The following STK3 variants were observed in gnomAD, a reference collection of about 807,000 sequenced individuals.
The protein encoded by STK3 is serine/threonine-protein kinase 3.
STK3 carries 41 observed loss-of-function variants against 58.0 expected under a neutral mutation model. The ratio of observed to expected loss-of-function variants is 0.71; its 90% CI spans 0.55 to 0.92. The LOEUF (loss-of-function observed/expected upper bound fraction) is 0.92, where lower values mean the gene tolerates loss of function less well. Ranked by LOEUF, STK3 falls within the 40% of genes least tolerant of loss-of-function variation. The pLI, the probability that STK3 is intolerant of heterozygous loss-of-function variation, is 0.00. For missense variants in STK3, 479 were observed against 602.7 expected, an observed-to-expected ratio of 0.79 and a Z score of 2.15; for synonymous variants, 170 against 191.0, an observed-to-expected ratio of 0.89 and a Z score of 0.91.
chr8:98,747,942 CAAAG>C (rs1461963949), intron 4 of STK3, among the ~76,000 whole-genome samples: 1 of 152,122 alleles, frequency 6.6e-6, no homozygotes, highest in African/African-American at 2.4e-5. Flanking sequence ...TGATAACTGA[CAAAG>C]AGTTTTCTGA....
chr8:98,849,572 A>T (rs1248179821), intron 3 of STK3, among the ~76,000 whole-genome samples: 1 of 152,190 alleles, frequency 6.6e-6, no homozygotes, highest in African/African-American at 2.4e-5. Flanking sequence ...CTGACTTCAG[A>T]TATAGATGGA....
chr8:98,526,812 T>TCATGCATG lies in STK3; in HGVS notation c.1239_1246dup (p.Glu416AlafsTer28). The TCATGCATG allele has an allele frequency of 6.3e-7, 1 of 1,599,298 alleles. No individual in the cohort carries two copies. The highest frequency in any genetic ancestry group is 1.7e-5 in the Admixed American group (1 of 59,158). ...AACGTTTTTGGACATAGGGAAGGGT[T>TCATGCATG]CATGCATGTTCTGATTACAGTTTTC... On this transcript the variant is annotated frameshift_variant, in exon 10 of 11. Coordinates refer to ENST00000419617, the MANE Select transcript of STK3 (RefSeq NM_006281.4). LOFTEE classifies it high-confidence loss of function.
At chr8:98,604,038 G>A (rs1816577431) in intron 6 of STK3, among the ~76,000 whole-genome samples, 1 of 152,174 alleles carries the variant, frequency 6.6e-6, no homozygotes, top group African/African-American at 2.4e-5. Context: ...GAGAGTCAGA[G>A]GGAGATGTGA....
At chr8:98,866,702 C>T (rs1837159962) in intron 3 of STK3, among the ~76,000 whole-genome samples, 1 of 152,216 alleles carries the variant, frequency 6.6e-6, no homozygotes, top group Admixed American at 6.5e-5. Flanking sequence ...GTGATCTCAG[C>T]ACCAGTGCCT....
intron 1 of STK3, among the ~76,000 whole-genome samples, chr8:98,903,241 A>G (rs186682498): frequency 3.3e-5 from 5 of 152,364 alleles, no homozygotes; most frequent in Admixed American, 3.3e-4. Flanking sequence ...TATATCATAT[A>G]TGCCTGAATA....
chr8:98,534,837 TA>T (rs992425645), intron 9 of STK3, among the ~76,000 whole-genome samples: 1 of 152,204 alleles, frequency 6.6e-6, no homozygotes, highest in Admixed American at 6.5e-5. Context: ...TTTGTAAGTT[TA>T]AAAAAATTAC....
At chr8:98,812,893 G>C (rs1244564349) in intron 1 of STK3, among the ~76,000 whole-genome samples, 1 of 152,124 alleles carries the variant, frequency 6.6e-6, no homozygotes, top group African/African-American at 2.4e-5. Flanking sequence ...TTGTAGGGTG[G>C]GGGGAGTGAG....
chr8:98,654,675 T>C (rs1821319346), intron 6 of STK3, among the ~76,000 whole-genome samples: 1 of 152,078 alleles, frequency 6.6e-6, no homozygotes, highest in African/African-American at 2.4e-5. Context: ...TCACAAGCAT[T>C]CTTATACACC....
chr8:98,362,440 T>C, the STK3 span, among the ~76,000 whole-genome samples: 1 of 152,176 alleles, frequency 6.6e-6, no homozygotes, highest in Non-Finnish European at 1.5e-5. Context: ...GCTCTGCTGG[T>C]CCTGCTTCTA....
chr8:98,846,829 G>A (rs752998470), intron 3 of STK3, among the ~76,000 whole-genome samples: 24 of 150,892 alleles, frequency 1.6e-4, no homozygotes, highest in East Asian at 5.8e-4. Flanking sequence ...GTTGATGTCC[G>A]TTTCATTCCT....
intron 9 of STK3, among the ~76,000 whole-genome samples, chr8:98,532,436 T>C (rs1826229108): frequency 6.6e-6 from 1 of 152,072 alleles, no homozygotes; most frequent in South Asian, 2.1e-4. Context: ...ACAATTACAA[T>C]AGTAGCACCA....
At chr8:98,621,380 T>C (rs997056975) in intron 6 of STK3, among the ~76,000 whole-genome samples, 16 of 152,248 alleles carry the variant, frequency 1.1e-4, no homozygotes, top group African/African-American at 3.9e-4. Flanking sequence ...CTTTCCAATC[T>C]GTATGCCTTT....
intron 10 of STK3, among the ~76,000 whole-genome samples, chr8:98,496,956 G>GT (rs1334720566): frequency 4.6e-5 from 7 of 151,560 alleles, no homozygotes; most frequent in Admixed American, 1.3e-4. Flanking sequence ...AAATTTTATG[G>GT]TTTTTTTTAA....
intron 10 of STK3, among the ~76,000 whole-genome samples, chr8:98,469,040 C>T (rs747804672): frequency 9.9e-5 from 15 of 151,490 alleles, no homozygotes; most frequent in Non-Finnish European, 1.5e-4. Context: ...ACCTGGGAGG[C>T]GGGGGTTGCA....
At chr8:98,436,474 A>G (rs1266268416) in intron 2 of STK3, among the ~76,000 whole-genome samples, 5 of 152,144 alleles carry the variant, frequency 3.3e-5, no homozygotes, top group African/African-American at 1.2e-4. Flanking sequence ...ATTTCTATCA[A>G]TGGAACCACA....
intron 9 of STK3, among the ~76,000 whole-genome samples, chr8:98,534,576 T>G (rs901790885): frequency 6.6e-6 from 1 of 152,222 alleles, no homozygotes; most frequent in Non-Finnish European, 1.5e-5. Context: ...ATCTTCAACT[T>G]TGTTCCCTGA....
chr8:98,463,871 G>C (rs1234038839), intron 10 of STK3, among the ~76,000 whole-genome samples: 1 of 152,158 alleles, frequency 6.6e-6, no homozygotes, highest in Non-Finnish European at 1.5e-5. Context: ...AAGACCTAAT[G>C]ATTCTATGAG....
chr8:98,360,270 C>T, the STK3 span, among the ~76,000 whole-genome samples: 1 of 152,182 alleles, frequency 6.6e-6, no homozygotes, highest in African/African-American at 2.4e-5. Context: ...GTATCTCTCT[C>T]CCACGTTGCC....
chr8:98,818,257 T>C (rs1294701245), intron 1 of STK3, among the ~76,000 whole-genome samples: 1 of 152,238 alleles, frequency 6.6e-6, no homozygotes, highest in Non-Finnish European at 1.5e-5. Context: ...TAGCTCAAGC[T>C]ACAACAAGAG....
Sources: allele counts gnomAD v4.1 joint callset (sites outside exome capture counted in the v4.1 genomes callset), GRCh38; gene constraint gnomAD v4.1.1; transcripts MANE v1.5; gene names NCBI Gene and HGNC (gene_info 2026-07-23, HGNC 2026-07-21).